GCFC2: variants seen among roughly 807,000 people sequenced by gnomAD.
The protein encoded by GCFC2 is intron Large complex component GCFC2.
GCFC2 carries 102 observed loss-of-function variants against 99.4 expected under a neutral mutation model. The observed-to-expected ratio is 1.03, with a 90% CI of 0.87 to 1.21. The LOEUF (loss-of-function observed/expected upper bound fraction) is 1.21. GCFC2 is among the 50% of genes most tolerant of loss of function. The pLI, the probability that GCFC2 is intolerant of heterozygous loss-of-function variation, is 0.00. For missense variants in GCFC2, 973 were observed against 920.9 expected (o/e 1.06, Z -0.73); for synonymous variants, 338 against 316.8 (o/e 1.07, Z -0.71).
intron 1 of GCFC2, 76 bp from the exon 2 acceptor site, chr2:75,706,727 A>G: frequency 1.1e-6 from 1 of 943,450 alleles, no homozygotes; most frequent in Non-Finnish European, 1.7e-6. Flanking sequence ...TGAACAACAC[A>G]TGGCATATGT....
rs1348035248 is a variant in GCFC2 at position 75,706,684 on chromosome 2, G to C, written c.266-33C>G. 8 of 1,459,996 alleles carry C rather than the reference G, an allele frequency of 5.5e-6. No homozygotes were observed. The African/African-American group carries it at 1.1e-4, about 20-fold the overall frequency. 90.4% of individuals were successfully genotyped at this position (1,459,996 alleles called of 1,614,324 possible). A position where few individuals can be genotyped will look rare whatever the true frequency, so the allele number is the denominator to read the frequency against. The stretch of plus-strand genomic sequence containing the variant: ...GACATTTTAAAAATACAACAAAAAA[G>C]AGTCAAAATAATGGAATTATTAATT... On this transcript the variant is annotated intron_variant, in intron 1 of 16. Coordinates refer to ENST00000321027, the MANE Select transcript of GCFC2 (RefSeq NM_003203.5).
chr2:75,675,605 A>G (rs958183569), intron 12 of GCFC2, among the ~76,000 whole-genome samples: 11 of 151,916 alleles, frequency 7.2e-5, no homozygotes, highest in Admixed American at 3.9e-4. Context: ...TTAGCCACAC[A>G]TGGTGGCACA....
chr2:75,675,194 T>G (rs1031830041), intron 12 of GCFC2, among the ~76,000 whole-genome samples: 1 of 152,164 alleles, frequency 6.6e-6, no homozygotes, highest in African/African-American at 2.4e-5. Flanking sequence ...GTTGATAAAT[T>G]TACTGAAATT....
At chr2:75,691,896 TATAAAA>T (rs1680086044) in intron 7 of GCFC2, 75 bp downstream of exon 7, 2 of 749,892 alleles carry the variant, frequency 2.7e-6, no homozygotes, top group Admixed American at 8.1e-5. Context: ...AAAACATGTT[TATAAAA>T]ATAAAAATAT....
chr2:75,706,246 C>T (rs1680858429), intron 2 of GCFC2, among the ~76,000 whole-genome samples: 1 of 152,168 alleles, frequency 6.6e-6, no homozygotes, highest in African/African-American at 2.4e-5. Context: ...TCTTACCATC[C>T]TTCAAGTATC....
chr2:75,704,691 T>C (rs916752590), intron 2 of GCFC2, among the ~76,000 whole-genome samples: 1 of 152,214 alleles, frequency 6.6e-6, no homozygotes, highest in Non-Finnish European at 1.5e-5. Context: ...CTTTTTTTGT[T>C]TGTTTGGTTT....
rs1678745335 is a variant in GCFC2, at chr2:75,664,630, TA to T, written c.*35del. On this transcript the variant is annotated 3_prime_UTR_variant, in exon 17 of 17. Transcript: ENST00000321027. ...CTCAAACAAAGGAACTGAGTGTAAC[TA>T]TATTAAAATTTTAGCATTTTCCAAT... 1.1e-6 allele frequency: 1 copy of T among 884,392 alleles called. No homozygotes were observed. The highest frequency in any genetic ancestry group is 1.7e-5 in the African/African-American group (1 of 59,930). The allele number at this position is 884,392 out of a possible 1,614,324, so 54.8% of individuals were successfully genotyped here.
At chr2:75,699,485 C>T (rs1189174748) in intron 4 of GCFC2, among the ~76,000 whole-genome samples, 1 of 152,242 alleles carries the variant, frequency 6.6e-6, no homozygotes, top group African/African-American at 2.4e-5. Context: ...AGCAGACCCA[C>T]AGCCCAAATC....
chr2:75,698,187 C>G (rs1680417882), intron 4 of GCFC2, among the ~76,000 whole-genome samples: 1 of 152,128 alleles, frequency 6.6e-6, no homozygotes, highest in African/African-American at 2.4e-5. Flanking sequence ...GTAAAATATT[C>G]CCATGATATT....
At chr2:75,695,120 C>T (rs945202520) in intron 5 of GCFC2, among the ~76,000 whole-genome samples, 1 of 152,122 alleles carries the variant, frequency 6.6e-6, no homozygotes, top group African/African-American at 2.4e-5. Flanking sequence ...TTTTATCCCT[C>T]ATGCAAGGTT....
intron 1 of GCFC2, among the ~76,000 whole-genome samples, chr2:75,707,193 C>T (rs1364197027): frequency 1.3e-5 from 2 of 152,174 alleles, no homozygotes; most frequent in Non-Finnish European, 2.9e-5. Flanking sequence ...TTATAGTATG[C>T]CATATTTCAA....
rs146080901 is a variant in GCFC2 at position 75,699,466 on chromosome 2, T to C, written c.717+1724A>G. Among the ~76,000 whole-genome samples, 727 of 152,374 alleles carry C rather than the reference T, an allele frequency of 4.8e-3. 6 individuals carry two copies. The highest frequency in any genetic ancestry group is 0.014 in the African/African-American group (601 of 41,586). ...GCAATTCTTGACCTCACAGAACTTA[T>C]ATTCTAGCAGCAGACCCACAGCCCA... is the stretch of plus-strand genomic sequence containing the variant. On this transcript the variant is annotated intron_variant, in intron 4 of 16. Transcript: ENST00000321027.
chr2:75,680,600 C>T (rs903665042), intron 11 of GCFC2, among the ~76,000 whole-genome samples: 4 of 152,182 alleles, frequency 2.6e-5, no homozygotes, highest in Admixed American at 6.5e-5. Flanking sequence ...AAAACAAACA[C>T]ATTAACTTGA....
chr2:75,711,137 C>A, upstream of GCFC2: 1 of 1,242,276 alleles, frequency 8.0e-7, no homozygotes, highest in Non-Finnish European at 1.0e-6. Flanking sequence ...CCTATCCGGT[C>A]TGAGTCCCAC....
At position 75,665,552 on chromosome 2, in the gene GCFC2, A is replaced by G. The variant is rs191918482; in HGVS notation, c.2228+377T>C. On this transcript the variant is annotated intron_variant, in intron 16 of 16. Coordinates refer to ENST00000321027, the MANE Select transcript of GCFC2 (RefSeq NM_003203.5). ...TGGTGCTGTGAACGAAACATTCAGAACAGAGAGCTAGCTACTGCTGGATAA... is the reference window on the plus strand; with the variant it reads ...TGGTGCTGTGAACGAAACATTCAGAGCAGAGAGCTAGCTACTGCTGGATAA... Among the ~76,000 whole-genome samples the G allele has an allele frequency of 2.2e-3, 334 of 152,336 alleles. 1 individual carries two copies. The highest frequency in any genetic ancestry group is 7.3e-3 in the African/African-American group (303 of 41,572).
intron 12 of GCFC2, chr2:75,679,939 G>T (rs1679495180): frequency 2.3e-6 from 1 of 437,354 alleles, no homozygotes. Flanking sequence ...TCACAGTGTT[G>T]AGAAGTATCA....
intron 11 of GCFC2, among the ~76,000 whole-genome samples, chr2:75,682,055 A>G (rs1679604697): frequency 6.6e-6 from 1 of 151,920 alleles, no homozygotes; most frequent in African/African-American, 2.4e-5. Context: ...ACAGTTCTGA[A>G]GACAGCAGTG....
At chr2:75,706,788 C>T (rs1680890144) in intron 1 of GCFC2, 137 bp from the exon 2 acceptor site, 1 of 481,430 alleles carries the variant, frequency 2.1e-6, no homozygotes, top group Non-Finnish European at 3.6e-6. Flanking sequence ...ACATATTGAT[C>T]TTCCTCCAAC....
chr2:75,711,289 C>A (rs1363749698), upstream of GCFC2: 3 of 844,350 alleles, frequency 3.6e-6, no homozygotes, highest in Non-Finnish European at 4.3e-6. Context: ...TTAAAACAAA[C>A]GAAACCCCAG....
Sources: allele counts gnomAD v4.1 joint callset (sites outside exome capture counted in the v4.1 genomes callset), GRCh38; gene constraint gnomAD v4.1.1; transcripts MANE v1.5; gene names NCBI Gene and HGNC (gene_info 2026-07-23, HGNC 2026-07-21).